Variants in STXBP4 observed in about 807,000 individuals in gnomAD.
STXBP4 encodes the protein syntaxin-binding protein 4.
Under a neutral mutation model 76.1 loss-of-function variants are expected in STXBP4, and 55 were observed. That is an observed-to-expected ratio of 0.72 (90% CI 0.58 to 0.91). The LOEUF (loss-of-function observed/expected upper bound fraction) is 0.91. Ranked by LOEUF, STXBP4 falls within the 40% of genes least tolerant of loss-of-function variation. STXBP4 has a pLI of 0.00. For synonymous variants in STXBP4, 201 were observed against 220.2 expected (o/e 0.91, Z 0.77); for missense variants, 618 against 636.9 (o/e 0.97, Z 0.32).
At chr17:55,012,762 A>G (rs2078137426) in intron 8 of STXBP4, among the ~76,000 whole-genome samples, 1 of 152,076 alleles carries the variant, frequency 6.6e-6, no homozygotes, top group Non-Finnish European at 1.5e-5. Flanking sequence ...ACCACTGCAT[A>G]CCCCGCTTTT....
chr17:55,150,357 G>C (rs1055365510), intron 17 of STXBP4, among the ~76,000 whole-genome samples: 2 of 152,094 alleles, frequency 1.3e-5, no homozygotes, highest in Non-Finnish European at 2.9e-5. Context: ...TTTGTACACA[G>C]AGAGAGAGAT....
At chr17:55,000,260 G>A (rs919425734) in intron 6 of STXBP4, 4 of 985,216 alleles carry the variant, frequency 4.1e-6, no homozygotes, top group Admixed American at 6.2e-5. Flanking sequence ...TCCAATCTAA[G>A]AAGGTATTGC....
intron 1 of STXBP4, among the ~76,000 whole-genome samples, chr17:54,978,262 G>T (rs1194577181): frequency 1.3e-5 from 2 of 152,080 alleles, no homozygotes; most frequent in South Asian, 2.1e-4. Context: ...CAGAGTAAGT[G>T]GCTGCTCAAA....
At chr17:55,048,343 AG>A (rs745998011) in intron 12 of STXBP4, among the ~76,000 whole-genome samples, 7 of 151,954 alleles carry the variant, frequency 4.6e-5, no homozygotes, top group Non-Finnish European at 8.8e-5. Flanking sequence ...ACTGCACAGA[AG>A]AGAGTGCTCT....
chr17:55,204,723 T>C, the STXBP4 span, among the ~76,000 whole-genome samples: 1 of 152,044 alleles, frequency 6.6e-6, no homozygotes, highest in Admixed American at 6.6e-5. Context: ...TGACACCAGT[T>C]GGGCTCAACT....
rs2080357582 is a variant in STXBP4 at position 55,163,782 on chromosome 17, TC to T, written c.*3872del. 1 of 152,186 alleles carries T rather than the reference TC, an allele frequency of 6.6e-6. No homozygotes were observed. Among genetic ancestry groups the T allele is most frequent in the Admixed American group, 6.6e-5 (1 of 15,228 alleles). The allele number at this position is 152,186 out of a possible 1,614,324, so 9.4% of individuals were successfully genotyped here. A position where few individuals can be genotyped will look rare whatever the true frequency, so the allele number is the denominator to read the frequency against. ...CCCCTGAAGAGCAACCCTTTACCAC[TC>T]TCTTAAATTTGAAAAATTCCAAAAT... On this transcript the variant is annotated 3_prime_UTR_variant, in exon 18 of 18. Transcript: ENST00000376352.
chr17:55,212,112 G>A, the STXBP4 span, among the ~76,000 whole-genome samples: 4 of 151,750 alleles, frequency 2.6e-5, no homozygotes, highest in African/African-American at 4.8e-5. Flanking sequence ...GAGCCACCGC[G>A]CCCTGCCGGG....
In STXBP4 at chr17:54,999,386, C is replaced by T; in HGVS notation, c.222C>T (p.Asn74=). ...CAGGAGATCAACTTGTCTCAGTCAA[C>T]AAGGAATCTATGATTGGTGTATCAT... ...LKPGDQLVSV[N]KESMIGVSFE... Residue 74 remains asparagine, a synonymous_variant, in exon 5 of 18, where the codon AAC becomes AAT. Coordinates refer to ENST00000376352, the MANE Select transcript of STXBP4 (RefSeq NM_178509.6). 1.2e-6 allele frequency: 2 copies of T among 1,612,746 alleles called. No individual in the cohort carries two copies. Among genetic ancestry groups the T allele is most frequent in the Non-Finnish European group, 1.7e-6 (2 of 1,179,564 alleles).
intron 14 of STXBP4, 57 bp downstream of exon 14, chr17:55,078,251 A>G: frequency 8.9e-7 from 1 of 1,118,252 alleles, no homozygotes; most frequent in Non-Finnish European, 1.3e-6. Context: ...CAACTGGCAT[A>G]TAGATAAATG....
chr17:55,202,988 CT>C, the STXBP4 span, among the ~76,000 whole-genome samples: 1 of 152,106 alleles, frequency 6.6e-6, no homozygotes, highest in Non-Finnish European at 1.5e-5. Flanking sequence ...ACTAAGTTTG[CT>C]AAACTGGAGC....
the STXBP4 span, among the ~76,000 whole-genome samples, chr17:55,186,510 A>G: frequency 6.6e-6 from 1 of 152,238 alleles, no homozygotes; most frequent in Non-Finnish European, 1.5e-5. Context: ...TATCTTTACT[A>G]AAATCCAAAT....
chr17:55,021,503 G>A (rs1292970285), intron 8 of STXBP4, among the ~76,000 whole-genome samples: 2 of 152,102 alleles, frequency 1.3e-5, no homozygotes, highest in Non-Finnish European at 2.9e-5. Context: ...CAGCAAGAGT[G>A]AGATCCTATC....
rs1408956353 is a variant in STXBP4, at chr17:55,161,136, C to T, written c.*1225C>T. On this transcript the variant is annotated 3_prime_UTR_variant, in exon 18 of 18. Transcript: ENST00000376352. ...CTGAGATCTTAAGTCTCCTAGTCTA[C>T]TGAATTTCATATGGTGTATAATACA... 2.6e-5 allele frequency: 4 copies of T among 152,166 alleles called. No homozygotes were observed. Among genetic ancestry groups the T allele is most frequent in the Admixed American group, 2.0e-4 (3 of 15,278 alleles). 9.4% of individuals were successfully genotyped at this position (152,166 alleles called of 1,614,324 possible).
At chr17:54,986,416 C>G in intron 3 of STXBP4, 150 bp downstream of exon 3, 1 of 598,822 alleles carries the variant, frequency 1.7e-6, no homozygotes, top group South Asian at 2.2e-5. Context: ...CGTTGAATTA[C>G]CTTTCAATGT....
Position 55,141,387 on chromosome 17 carries a change from C to A in STXBP4, c.1547+20C>A. 1 of 1,601,288 alleles carries A rather than the reference C, an allele frequency of 6.2e-7. No homozygotes were observed. Among genetic ancestry groups the A allele is most frequent in the Non-Finnish European group, 8.5e-7 (1 of 1,174,096 alleles). On this transcript the variant is annotated intron_variant, in intron 17 of 17. Coordinates refer to ENST00000376352, the MANE Select transcript of STXBP4 (RefSeq NM_178509.6). ...CATCAAGTAAGTACAAGCATCTCAA[C>A]CAAGTAAGCAATTTTCTTCACATCT...
chr17:54,975,470 G>C lies in STXBP4; in HGVS notation c.-157+6655G>C, dbSNP rs183945259. 2.8e-4 allele frequency among the ~76,000 whole-genome samples: 39 copies of C among 140,850 alleles called. No homozygotes were observed. The East Asian group carries it at 5.2e-3, about 19-fold the overall frequency. 92.4% of individuals were successfully genotyped at this position (140,850 alleles called of 152,430 possible). A position where few individuals can be genotyped will look rare whatever the true frequency, so the allele number is the denominator to read the frequency against. ...ATATTATATCTCAAATGCACTGACA[G>C]ACAGTCTCACATGATTCAGGCCAAA... is the stretch of plus-strand genomic sequence containing the variant. On this transcript the variant is annotated intron_variant, in intron 1 of 17. Coordinates refer to ENST00000376352, the MANE Select transcript of STXBP4 (RefSeq NM_178509.6).
At chr17:55,057,120 T>C (rs1050448528) in intron 12 of STXBP4, among the ~76,000 whole-genome samples, 2 of 152,218 alleles carry the variant, frequency 1.3e-5, no homozygotes, top group Admixed American at 1.3e-4. Context: ...GTAGTTTAAC[T>C]CATTTACATG....
At position 55,123,749 on chromosome 17, in the gene STXBP4, A is replaced by C. The variant is rs529315996; in HGVS notation, c.1490-17561A>C. Among the ~76,000 whole-genome samples, 68 of 152,040 alleles carry C rather than the reference A, an allele frequency of 4.5e-4. 1 individual carries two copies. The highest frequency in any genetic ancestry group is 1.5e-3 in the African/African-American group (63 of 41,460). ...CCCCGTCTCTACTAAAAATACAAAA[A>C]ATTAGCCAAGCATGGTGGCCCGCGC... On this transcript the variant is annotated intron_variant, in intron 16 of 17. Coordinates refer to ENST00000376352, the MANE Select transcript of STXBP4 (RefSeq NM_178509.6).
At chr17:55,121,063 G>T (rs1421235420) in intron 16 of STXBP4, among the ~76,000 whole-genome samples, 2 of 152,054 alleles carry the variant, frequency 1.3e-5, no homozygotes, top group East Asian at 1.9e-4. Flanking sequence ...CAAATGAAAT[G>T]AATTAAATAT....
Sources: gnomAD v4.1 joint callset for allele counts (sites outside exome capture counted in the v4.1 genomes callset) on GRCh38, gnomAD v4.1.1 for gene constraint, MANE v1.5 for transcripts, NCBI Gene and HGNC (gene_info 2026-07-23, HGNC 2026-07-21) for gene names.